APBB1IP: variants seen among roughly 807,000 people sequenced by gnomAD.
APBB1IP encodes amyloid beta precursor protein binding family B member 1 interacting protein, also known as amyloid beta A4 precursor protein-binding family B member 1-interacting protein.
In APBB1IP, 27 loss-of-function variants were observed where a neutral mutation model predicts 64.9. That is an observed-to-expected ratio of 0.42 (90% CI 0.31 to 0.57). The LOEUF (loss-of-function observed/expected upper bound fraction) is 0.57, where lower values mean the gene tolerates loss of function less well. APBB1IP is among the 20% of genes least tolerant of loss of function. APBB1IP has a pLI of 0.20. For synonymous variants in APBB1IP, 392 were observed against 331.0 expected, an observed-to-expected ratio of 1.18 and a Z score of -2.00; for missense variants, 812 against 845.5, an observed-to-expected ratio of 0.96 and a Z score of 0.49.
intron 10 of APBB1IP, among the ~76,000 whole-genome samples, chr10:26,537,918 A>T (rs935914506): frequency 6.9e-6 from 1 of 144,016 alleles, no homozygotes; most frequent in African/African-American, 2.6e-5. Flanking sequence ...TGGGTGAAAG[A>T]GCAAGACTAG....
chr10:26,537,463 C>T (rs983776176), intron 10 of APBB1IP, among the ~76,000 whole-genome samples: 3 of 152,152 alleles, frequency 2.0e-5, no homozygotes, highest in African/African-American at 7.2e-5. Context: ...CTTTTCCTGC[C>T]CTTAGATCTG....
At chr10:26,526,319 A>G (rs969079930) in intron 8 of APBB1IP, among the ~76,000 whole-genome samples, 2 of 152,236 alleles carry the variant, frequency 1.3e-5, no homozygotes, top group Non-Finnish European at 1.5e-5. Flanking sequence ...GCAAACTTAC[A>G]TGAGGTAAAG....
chr10:26,561,100 G>T (rs1279972375), intron 13 of APBB1IP, among the ~76,000 whole-genome samples: 1 of 97,974 alleles, frequency 1.0e-5, no homozygotes, highest in East Asian at 3.6e-4. Context: ...AGACTCTCTC[G>T]CACTGTTGCC....
At chr10:26,540,310 C>A (rs1037510975) in intron 10 of APBB1IP, among the ~76,000 whole-genome samples, 1 of 152,108 alleles carries the variant, frequency 6.6e-6, no homozygotes, top group African/African-American at 2.4e-5. Flanking sequence ...GGCGGTGGCT[C>A]ACTCCTCTAA....
intron 2 of APBB1IP, among the ~76,000 whole-genome samples, chr10:26,461,502 T>G (rs1464741704): frequency 6.6e-6 from 1 of 152,158 alleles, no homozygotes; most frequent in Non-Finnish European, 1.5e-5. Context: ...TATTTTTCTT[T>G]AAAATACATT....
intron 2 of APBB1IP, among the ~76,000 whole-genome samples, chr10:26,474,926 T>C (rs1835758187): frequency 6.6e-6 from 1 of 152,222 alleles, no homozygotes; most frequent in Non-Finnish European, 1.5e-5. Context: ...ATCTGGACCT[T>C]GGCTTAACAT....
chr10:26,460,563 A>G (rs1337946959), intron 2 of APBB1IP, among the ~76,000 whole-genome samples: 5 of 152,212 alleles, frequency 3.3e-5, no homozygotes, highest in African/African-American at 1.2e-4. Flanking sequence ...ATGCCCATCA[A>G]TGATAGACTG....
At chr10:26,472,442 G>A (rs1835729599) in intron 2 of APBB1IP, among the ~76,000 whole-genome samples, 1 of 152,142 alleles carries the variant, frequency 6.6e-6, no homozygotes, top group Non-Finnish European at 1.5e-5. Context: ...CACTTCTGAA[G>A]GAGTTCAGTT....
chr10:26,550,958 C>T (rs1295760985), intron 11 of APBB1IP, among the ~76,000 whole-genome samples: 5 of 152,160 alleles, frequency 3.3e-5, no homozygotes, highest in Admixed American at 6.5e-5. Context: ...AGGTTAGACC[C>T]GAATCCTACA....
At chr10:26,492,302 A>C in intron 2 of APBB1IP, 25 bp from the exon 3 acceptor site, 1 of 1,606,610 alleles carries the variant, frequency 6.2e-7, no homozygotes. Context: ...GAGACTGCTA[A>C]TATCTCAGTT....
intron 11 of APBB1IP, among the ~76,000 whole-genome samples, chr10:26,556,153 G>A (rs1026367829): frequency 3.3e-5 from 5 of 152,104 alleles, no homozygotes; most frequent in African/African-American, 7.2e-5. Context: ...TTTATGATCG[G>A]GAACAATCAA....
At chr10:26,507,228 C>T (rs1836193262) in intron 6 of APBB1IP, among the ~76,000 whole-genome samples, 1 of 152,154 alleles carries the variant, frequency 6.6e-6, no homozygotes, top group African/African-American at 2.4e-5. Context: ...CACAGAGGCT[C>T]ACACCTCTAA....
chr10:26,532,306 C>T (rs1836564707), intron 8 of APBB1IP, among the ~76,000 whole-genome samples: 1 of 152,030 alleles, frequency 6.6e-6, no homozygotes, highest in South Asian at 2.1e-4. Context: ...ATATGGATAC[C>T]TCAGCTGCAC....
intron 4 of APBB1IP, 36 bp from the exon 5 acceptor site, chr10:26,500,783 A>G: frequency 6.4e-7 from 1 of 1,556,472 alleles, no homozygotes; most frequent in Non-Finnish European, 8.7e-7. Context: ...AGATGCAAAT[A>G]GGTTTTTATA....
chr10:26,547,973 AT>A (rs1404942908), intron 11 of APBB1IP, among the ~76,000 whole-genome samples: 1 of 151,948 alleles, frequency 6.6e-6, no homozygotes, highest in Non-Finnish European at 1.5e-5. Context: ...GCATTGATTT[AT>A]TTCTGGACTC....
chr10:26,446,468 A>C (rs893405408), intron 2 of APBB1IP, among the ~76,000 whole-genome samples: 6 of 152,216 alleles, frequency 3.9e-5, no homozygotes, highest in Non-Finnish European at 8.8e-5. Flanking sequence ...GGTAAGTGCT[A>C]TGCAGTGTGG....
intron 2 of APBB1IP, among the ~76,000 whole-genome samples, chr10:26,473,745 T>C (rs572478454): frequency 6.6e-6 from 1 of 152,208 alleles, no homozygotes; most frequent in African/African-American, 2.4e-5. Flanking sequence ...CCCATGCCTG[T>C]AATTCCAACA....
At chr10:26,465,015 A>G (rs1456712273) in intron 2 of APBB1IP, among the ~76,000 whole-genome samples, 1 of 152,242 alleles carries the variant, frequency 6.6e-6, no homozygotes, top group African/African-American at 2.4e-5. Flanking sequence ...ACTCTGGGGC[A>G]TTCTCTGTTT....
intron 14 of APBB1IP, 125 bp downstream of exon 14, chr10:26,562,554 C>G: frequency 1.4e-6 from 1 of 709,746 alleles, no homozygotes; most frequent in Non-Finnish European, 2.3e-6. Context: ...AATCCCAGAA[C>G]TTTGGGAGGC....
Sources: allele counts gnomAD v4.1 joint callset (sites outside exome capture counted in the v4.1 genomes callset), GRCh38; gene constraint gnomAD v4.1.1; transcripts MANE v1.5; gene names NCBI Gene and HGNC (gene_info 2026-07-23, HGNC 2026-07-21).